Variants in CBL observed in about 807,000 individuals in gnomAD.
CBL encodes the protein E3 ubiquitin-protein ligase CBL.
CBL carries 45 observed loss-of-function variants against 96.9 expected under a neutral mutation model. The ratio of observed to expected loss-of-function variants is 0.46; its 90% confidence interval spans 0.37 to 0.60. The LOEUF (loss-of-function observed/expected upper bound fraction) is 0.60. Among genes scored for constraint, CBL ranks in the 20% least tolerant of loss-of-function variants. The pLI is 0.00. For synonymous variants in CBL, 420 were observed against 426.8 expected (o/e 0.98, Z 0.20); for missense variants, 1,024 against 1,143.5 (o/e 0.90, Z 1.51).
chr11:119,236,036 T>G (rs192388715), intron 2 of CBL, among the ~76,000 whole-genome samples: 1 of 152,322 alleles, frequency 6.6e-6, no homozygotes, highest in East Asian at 1.9e-4. Context: ...CTTAGAGGTT[T>G]TTTTTTCCTA....
intron 2 of CBL, among the ~76,000 whole-genome samples, chr11:119,254,586 G>A (rs1168221500): frequency 2.6e-5 from 4 of 151,836 alleles, no homozygotes; most frequent in Non-Finnish European, 4.4e-5. Context: ...GTAAAAATGT[G>A]GTATTATAAT....
chr11:119,256,191 TC>T (rs1949709583), intron 2 of CBL, among the ~76,000 whole-genome samples: 1 of 151,268 alleles, frequency 6.6e-6, no homozygotes, highest in South Asian at 2.1e-4. Flanking sequence ...ATTTGTACAT[TC>T]TTTTTTTTTT....
intron 1 of CBL, among the ~76,000 whole-genome samples, chr11:119,215,031 A>G (rs979044902): frequency 1.3e-5 from 2 of 152,184 alleles, no homozygotes; most frequent in South Asian, 4.1e-4. Context: ...GCTCACCCAA[A>G]GGATGTAAGA....
chr11:119,214,809 C>G (rs1044649391), intron 1 of CBL, among the ~76,000 whole-genome samples: 4 of 151,642 alleles, frequency 2.6e-5, no homozygotes, highest in African/African-American at 9.7e-5. Flanking sequence ...TCTCTCTCGC[C>G]CATTAGAGCT....
intron 2 of CBL, among the ~76,000 whole-genome samples, chr11:119,255,035 C>T (rs73003083): frequency 0.039 from 5,869 of 152,174 alleles, 163 homozygotes; most frequent in Non-Finnish European, 0.058. Flanking sequence ...TGTGGAGTGG[C>T]GTGCTTGGAT....
chr11:119,295,646 G>T (rs1950058210), intron 12 of CBL, among the ~76,000 whole-genome samples: 1 of 152,132 alleles, frequency 6.6e-6, no homozygotes, highest in Non-Finnish European at 1.5e-5. Flanking sequence ...AGGATCACTT[G>T]AGCCCGGGAG....
chr11:119,269,475 G>A (rs528027418), intron 2 of CBL, among the ~76,000 whole-genome samples: 3 of 151,946 alleles, frequency 2.0e-5, no homozygotes, highest in South Asian at 2.1e-4. Flanking sequence ...AAAATTTTGG[G>A]ATTACAGGCG....
chr11:119,232,444 G>T lies in CBL; in HGVS notation c.196-4G>T. The T allele has an allele frequency of 1.9e-6, 3 of 1,613,252 alleles. No individual in the cohort carries two copies. The South Asian group carries it at 3.3e-5, about 18-fold the overall frequency. On this transcript the variant is annotated splice_polypyrimidine_tract_variant and splice_region_variant and intron_variant, in intron 1 of 15. Coordinates refer to ENST00000264033, the MANE Select transcript of CBL (RefSeq NM_005188.4). ...TAATAGCCCTTCTTTTTCATTTGTTGCAGGTGGTGCGGTTGTGTCAGAACC... is the reference window on the plus strand; with the variant it reads ...TAATAGCCCTTCTTTTTCATTTGTTTCAGGTGGTGCGGTTGTGTCAGAACC...
chr11:119,226,537 A>C (rs1428684067), intron 1 of CBL, among the ~76,000 whole-genome samples: 1 of 151,922 alleles, frequency 6.6e-6, no homozygotes, highest in African/African-American at 2.4e-5. Context: ...AGCTCACTGC[A>C]ACCTCCTCCT....
intron 2 of CBL, among the ~76,000 whole-genome samples, chr11:119,242,563 C>T (rs1347089238): frequency 7.3e-6 from 1 of 137,686 alleles, no homozygotes; most frequent in Non-Finnish European, 1.6e-5. Context: ...AAAAGACCAG[C>T]ACGGCACCAT....
intron 12 of CBL, among the ~76,000 whole-genome samples, chr11:119,291,139 G>A (rs886573906): frequency 6.6e-6 from 1 of 152,188 alleles, no homozygotes; most frequent in African/African-American, 2.4e-5. Flanking sequence ...GCTCACGCCT[G>A]TAATCCCAAC....
At chr11:119,206,770 G>C (rs1949273010) in intron 1 of CBL, among the ~76,000 whole-genome samples, 158 bp downstream of exon 1, 1 of 148,250 alleles carries the variant, frequency 6.7e-6, no homozygotes, top group Admixed American at 6.7e-5. Flanking sequence ...TGGGGGCAGG[G>C]ACGAGGCCGG....
chr11:119,265,394 A>G (rs1169530382), intron 2 of CBL, among the ~76,000 whole-genome samples: 1 of 152,242 alleles, frequency 6.6e-6, no homozygotes, highest in East Asian at 1.9e-4. Context: ...AGATAATACT[A>G]GTTTAGTAGA....
chr11:119,236,233 G>A (rs896551240), intron 2 of CBL, among the ~76,000 whole-genome samples: 2 of 151,956 alleles, frequency 1.3e-5, no homozygotes, highest in Non-Finnish European at 2.9e-5. Flanking sequence ...CCTCTCTCTG[G>A]ATCTCCCCTG....
intron 2 of CBL, among the ~76,000 whole-genome samples, chr11:119,256,337 G>C (rs1192483577): frequency 6.6e-6 from 1 of 151,614 alleles, no homozygotes; most frequent in African/African-American, 2.4e-5. Context: ...CCGCCGCTAC[G>C]CCCAGCTAAT....
Position 119,263,696 on chromosome 11 carries a change from A to G in CBL, c.444-8039A>G, listed in dbSNP as rs965617231. Among the ~76,000 whole-genome samples, 3 of 152,320 alleles carry G rather than the reference A, an allele frequency of 2.0e-5. No homozygotes were observed. The South Asian group carries it at 6.2e-4, about 32-fold the overall frequency. ...TGTTTTTTAACAGCTTAAGTCGATG[A>G]TAAGAGTTAAACAGTACTTCATTGA... is the stretch of plus-strand genomic sequence containing the variant. On this transcript the variant is annotated intron_variant, in intron 2 of 15. Transcript: ENST00000264033.
rs1186531451 is a variant in CBL, at chr11:119,302,731, GA to G, written c.*2955del. The G allele has an allele frequency of 1.2e-4, 28 of 230,854 alleles. No homozygotes were observed. The Admixed American group carries it at 1.5e-3, about 13-fold the overall frequency. 14.3% of individuals were successfully genotyped at this position (230,854 alleles called of 1,614,324 possible). On this transcript the variant is annotated 3_prime_UTR_variant, in exon 16 of 16. Coordinates refer to ENST00000264033, the MANE Select transcript of CBL (RefSeq NM_005188.4). ...ACTAAAGTAGAGGGTTCTTAAAATG[GA>G]AAAACCTGTGGGCTCTTCATATACC...
chr11:119,289,195 AGTTT>A (rs1950006946), intron 12 of CBL, among the ~76,000 whole-genome samples: 1 of 152,198 alleles, frequency 6.6e-6, no homozygotes, highest in South Asian at 2.1e-4. Flanking sequence ...AATGAGGTCA[AGTTT>A]GTTAATTGTG....
chr11:119,242,741 T>TAAAA (rs34339877), intron 2 of CBL, among the ~76,000 whole-genome samples: 3 of 117,952 alleles, frequency 2.5e-5, no homozygotes, highest in Admixed American at 9.0e-5. Flanking sequence ...CCTGACTCTT[T>TAAAA]AAAAAAAAAA....
Sources: allele counts gnomAD v4.1 joint callset (sites outside exome capture counted in the v4.1 genomes callset), GRCh38; gene constraint gnomAD v4.1.1; transcripts MANE v1.5; gene names NCBI Gene and HGNC (gene_info 2026-07-23, HGNC 2026-07-21).